LAMA2: variants seen among roughly 807,000 people sequenced by gnomAD.
LAMA2 encodes the protein laminin subunit alpha-2.
A neutral mutation model predicts 364.8 loss-of-function variants in LAMA2; 269 were observed. That is an observed-to-expected ratio of 0.74 (90% CI 0.67 to 0.82). The LOEUF (loss-of-function observed/expected upper bound fraction) is 0.82. Among genes scored for constraint, LAMA2 ranks in the 40% least tolerant of loss-of-function variants. The probability of loss-of-function intolerance (pLI) is 0.00; values close to 1 mark genes in which losing one functional copy is unlikely to be tolerated. For missense variants in LAMA2, 3,807 were observed against 3,873.2 expected (o/e 0.98, Z 0.45); for synonymous variants, 1,379 against 1,370.6 (o/e 1.01, Z -0.14).
At chr6:129,363,292 A>G (rs2114613434) in intron 32 of LAMA2, among the ~76,000 whole-genome samples, 1 of 152,338 alleles carries the variant, frequency 6.6e-6, no homozygotes, top group South Asian at 2.1e-4. Context: ...TGGCAGAGCA[A>G]GACCCTGTCT....
rs540761582 is a variant in LAMA2 at position 128,918,201 on chromosome 6, A to G, written c.112+34844A>G. Among the ~76,000 whole-genome samples the G allele has an allele frequency of 3.9e-5, 6 of 152,302 alleles. No homozygotes were observed. In the South Asian group the frequency reaches 1.2e-3, roughly 32 times the overall value. ...TATAATTATTCTTCTTCCCAAAGTA[A>G]TGATGTTTACCAAAACACTGGTAAC... is the stretch of plus-strand genomic sequence containing the variant. On this transcript the variant is annotated intron_variant, in intron 1 of 64. Transcript: ENST00000421865.
chr6:129,013,750 A>G (rs887928734), intron 1 of LAMA2, among the ~76,000 whole-genome samples: 16 of 152,052 alleles, frequency 1.1e-4, no homozygotes, highest in Admixed American at 5.3e-4. Flanking sequence ...ATATAGAGCC[A>G]GTTCTCATAT....
At chr6:129,131,566 T>C (rs1777476798) in intron 4 of LAMA2, among the ~76,000 whole-genome samples, 1 of 152,194 alleles carries the variant, frequency 6.6e-6, no homozygotes, top group African/African-American at 2.4e-5. Context: ...CTTCTGGTTG[T>C]GTGGGAGGAG....
intron 12 of LAMA2, among the ~76,000 whole-genome samples, chr6:129,206,779 G>T (rs946424753): frequency 1.3e-5 from 2 of 152,084 alleles, no homozygotes; most frequent in Non-Finnish European, 2.9e-5. Flanking sequence ...CCAACATTTG[G>T]CACACTGAAA....
chr6:129,495,950 G>A (rs1436295452), intron 58 of LAMA2, among the ~76,000 whole-genome samples: 1 of 151,958 alleles, frequency 6.6e-6, no homozygotes, highest in Non-Finnish European at 1.5e-5. Flanking sequence ...GAAGCAAAAA[G>A]TTGAGTAGCA....
At chr6:129,496,546 T>C (rs1353830486) in intron 58 of LAMA2, among the ~76,000 whole-genome samples, 4 of 152,224 alleles carry the variant, frequency 2.6e-5, no homozygotes, top group African/African-American at 2.4e-5. Context: ...CCATCTCTAT[T>C]AATTGTATTA....
chr6:129,307,033 T>G (rs1267176155), intron 22 of LAMA2, among the ~76,000 whole-genome samples: 1 of 152,198 alleles, frequency 6.6e-6, no homozygotes, highest in Non-Finnish European at 1.5e-5. Context: ...ATTATATACT[T>G]TTCATTGTTG....
chr6:129,046,314 T>C (rs935450324), intron 1 of LAMA2, among the ~76,000 whole-genome samples: 2 of 152,124 alleles, frequency 1.3e-5, no homozygotes, highest in African/African-American at 4.8e-5. Flanking sequence ...CTGGATAATT[T>C]ATAGAGAAAA....
chr6:128,915,736 C>T (rs1016845766), intron 1 of LAMA2, among the ~76,000 whole-genome samples: 3 of 151,962 alleles, frequency 2.0e-5, no homozygotes, highest in Non-Finnish European at 2.9e-5. Context: ...TTTGGAATGA[C>T]GTTTATGCAA....
intron 29 of LAMA2, among the ~76,000 whole-genome samples, chr6:129,337,063 A>G (rs1041834170): frequency 6.6e-6 from 1 of 152,204 alleles, no homozygotes; most frequent in Non-Finnish European, 1.5e-5. Flanking sequence ...TTATGTTTCC[A>G]ACATGCAGGT....
At position 128,883,322 on chromosome 6, in the gene LAMA2, A is replaced by C. The variant is rs1265619810; in HGVS notation, c.77A>C (p.Gln26Pro). The C allele has an allele frequency of 2.5e-6, 4 of 1,598,362 alleles. No individual in the cohort carries two copies. The highest frequency in any genetic ancestry group is 1.1e-5 in the South Asian group (1 of 88,310). ...GLGGVQAQRP[Q>P]QQRQSQAHQQ... is the part of the protein sequence containing the mutation. ...GGGGGCGTACAGGCGCAGCGGCCGC[A>C]GCAGCAGCGGCAGTCACAGGCACAT... The change falls in exon 1 of 65, where the codon CAG becomes CCG. Residue 26 changes from glutamine to proline, a missense_variant. Transcript: ENST00000421865.
At chr6:129,055,026 T>C (rs186085505) in intron 2 of LAMA2, among the ~76,000 whole-genome samples, 303 of 151,106 alleles carry the variant, frequency 2.0e-3, no homozygotes, top group African/African-American at 7.0e-3. Flanking sequence ...CAGCCAATAC[T>C]ATCCATGTTT....
chr6:129,304,448 A>G (rs1253941312), intron 22 of LAMA2, among the ~76,000 whole-genome samples: 4 of 152,078 alleles, frequency 2.6e-5, no homozygotes, highest in Non-Finnish European at 4.4e-5. Flanking sequence ...TATTTTTAGT[A>G]GAGACGGGGT....
At chr6:128,997,219 C>T (rs1048968317) in intron 1 of LAMA2, among the ~76,000 whole-genome samples, 18 of 151,514 alleles carry the variant, frequency 1.2e-4, no homozygotes, top group African/African-American at 4.4e-4. Flanking sequence ...ACCACCATGG[C>T]ACATGTATTC....
At chr6:129,420,918 A>G (rs1325884175) in intron 40 of LAMA2, among the ~76,000 whole-genome samples, 1 of 152,060 alleles carries the variant, frequency 6.6e-6, no homozygotes, top group Non-Finnish European at 1.5e-5. Flanking sequence ...ATAAGTGACT[A>G]TATTTGTTTG....
chr6:129,052,271 G>A (rs1393738296), intron 2 of LAMA2, among the ~76,000 whole-genome samples: 4 of 151,046 alleles, frequency 2.6e-5, no homozygotes, highest in Non-Finnish European at 5.9e-5. Flanking sequence ...CAGCAGCTGG[G>A]ACTGCAGGCG....
chr6:129,395,001 A>G (rs576666600), intron 37 of LAMA2, among the ~76,000 whole-genome samples: 3 of 152,376 alleles, frequency 2.0e-5, no homozygotes, highest in Admixed American at 2.0e-4. Context: ...TAAGGCATAG[A>G]TTATTTATGG....
At chr6:129,251,836 G>A (rs950615376) in intron 13 of LAMA2, among the ~76,000 whole-genome samples, 1 of 152,144 alleles carries the variant, frequency 6.6e-6, no homozygotes, top group Non-Finnish European at 1.5e-5. Flanking sequence ...TATGGAGGCT[G>A]AGGCATGAGA....
At chr6:128,959,214 G>A (rs968411047) in intron 1 of LAMA2, among the ~76,000 whole-genome samples, 52 of 152,114 alleles carry the variant, frequency 3.4e-4, no homozygotes, top group African/African-American at 1.2e-3. Context: ...CCTTCAGTAT[G>A]TTTCATCACA....
Sources: gnomAD v4.1 joint callset for allele counts (sites outside exome capture counted in the v4.1 genomes callset) on GRCh38, gnomAD v4.1.1 for gene constraint, MANE v1.5 for transcripts, NCBI Gene and HGNC (gene_info 2026-07-23, HGNC 2026-07-21) for gene names.